The following AGAP2 variants were observed in gnomAD, a reference collection of about 807,000 sequenced individuals.
AGAP2 encodes the protein arf-GAP with GTPase, ANK repeat and PH domain-containing protein 2.
Under a neutral mutation model 110.9 loss-of-function variants are expected in AGAP2, and 32 were observed. That is an observed-to-expected ratio of 0.29 (90% CI 0.22 to 0.39). AGAP2 has a LOEUF of 0.39. Ranked by LOEUF, AGAP2 falls within the 10% of genes least tolerant of loss-of-function variation. AGAP2 has a pLI of 1.00. For missense variants in AGAP2, 1,285 were observed against 1,638.5 expected (o/e 0.78, Z 3.72); for synonymous variants, 702 against 713.0 (o/e 0.98, Z 0.25).
Position 57,725,900 on chromosome 12 carries a change from T to C in AGAP2, c.*652A>G, listed in dbSNP as rs1448253849. The C allele has an allele frequency of 2.0e-5, 3 of 151,836 alleles. No individual in the cohort carries two copies. The highest frequency in any genetic ancestry group is 1.5e-5 in the Non-Finnish European group (1 of 67,956). The allele number at this position is 151,836 out of a possible 1,614,324, so 9.4% of individuals were successfully genotyped here. A position where few individuals can be genotyped will look rare whatever the true frequency, so the allele number is the denominator to read the frequency against. ...GGCTCTTGGTTCCCCCCGGACTCTT[T>C]AGCTTCCACCCATGGGTAGGTGTAG... On this transcript the variant is annotated 3_prime_UTR_variant, in exon 19 of 19. Coordinates refer to ENST00000547588, the MANE Select transcript of AGAP2 (RefSeq NM_001122772.3).
chr12:57,732,786 A>G, intron 6 of AGAP2, 59 bp downstream of exon 6: 1 of 1,604,140 alleles, frequency 6.2e-7, no homozygotes, highest in Non-Finnish European at 8.5e-7. Context: ...CTGACCACTG[A>G]GAATATCCCA....
chr12:57,742,127 G>T, upstream of AGAP2: 3 of 1,578,182 alleles, frequency 1.9e-6, no homozygotes, highest in Non-Finnish European at 1.7e-6. Context: ...GAGGCCCATG[G>T]CCCTACAGCC....
chr12:57,739,049 A>G (rs181867087), upstream of AGAP2, among the ~76,000 whole-genome samples: 131 of 136,698 alleles, frequency 9.6e-4, 1 homozygote, highest in East Asian at 0.026. Flanking sequence ...AGGGCGGTGC[A>G]AAATCCAGGG....
At chr12:57,734,231 A>G (rs374434591) in intron 4 of AGAP2, 58 bp from the exon 5 acceptor site, 24 of 1,610,540 alleles carry the variant, frequency 1.5e-5, no homozygotes, top group African/African-American at 1.2e-4. Context: ...TCTGGACCCA[A>G]TCCAGATGAA....
intron 16 of AGAP2, 35 bp from the exon 17 acceptor site, chr12:57,727,617 G>C (rs373982664): frequency 6.3e-7 from 1 of 1,590,556 alleles, no homozygotes; most frequent in African/African-American, 1.3e-5. Context: ...CTCCCAGCCG[G>C]GCAGCACAGG....
Position 57,729,638 on chromosome 12 carries a change from C to T in AGAP2, c.2557+1G>A. ...AGTGGAAGTGCCTGCCAGAGCCTCA[C>T]CTTCAGCCTGCCCAGCCGAGCCTTC... On this transcript the variant is annotated splice_donor_variant, in intron 13 of 18. Coordinates refer to ENST00000547588, the MANE Select transcript of AGAP2 (RefSeq NM_001122772.3). LOFTEE classifies it high-confidence loss of function. 6.2e-7 allele frequency: 1 copy of T among 1,611,506 alleles called. No homozygotes were observed. Among genetic ancestry groups the T allele is most frequent in the Non-Finnish European group, 8.5e-7 (1 of 1,179,030 alleles).
In AGAP2 at chr12:57,729,757, T is replaced by A. The variant is rs1367248936; in HGVS notation, c.2439A>T (p.Pro813=). Residue 813 remains proline, a synonymous_variant, in exon 13 of 19, where the codon CCA becomes CCT. Coordinates refer to ENST00000547588, the MANE Select transcript of AGAP2 (RefSeq NM_001122772.3). The part of the protein sequence containing the change: ...LARALSTDCT[P]SGDLSPLSRE... ...GACTCAGGGGGCTCAGGTCTCCAGA[T>A]GGGGTACAGTCTTAGGGAGGAAGAC... is the stretch of plus-strand genomic sequence containing the variant. 3.1e-6 allele frequency: 5 copies of A among 1,612,756 alleles called. No individual in the cohort carries two copies. The East Asian group carries it at 1.1e-4, about 36-fold the overall frequency.
At chr12:57,730,709 T>C (rs921537409) in intron 11 of AGAP2, 82 bp downstream of exon 11, 20 of 1,608,244 alleles carry the variant, frequency 1.2e-5, no homozygotes, top group Non-Finnish European at 1.6e-5. Context: ...ACTCGCCCAG[T>C]GCCAGCCCCC....
In AGAP2 at chr12:57,726,493, C is replaced by T; in HGVS notation, c.*59G>A. 8.6e-7 allele frequency: 1 copy of T among 1,161,464 alleles called. No individual in the cohort carries two copies. Among genetic ancestry groups the T allele is most frequent in the Non-Finnish European group, 1.1e-6 (1 of 941,646 alleles). 71.9% of individuals were successfully genotyped at this position (1,161,464 alleles called of 1,614,324 possible). ...GAGTGGGTGCGTCTGTCCAGCGGTC[C>T]GCCCGGTGTGGTCGTGCCCGGCCCG... On this transcript the variant is annotated 3_prime_UTR_variant, in exon 19 of 19. Coordinates refer to ENST00000547588, the MANE Select transcript of AGAP2 (RefSeq NM_001122772.3). This position sits in a 1 kb window ranked among gnomAD's most constrained non-coding sequence, Gnocchi z 5.7.
At position 57,726,744 on chromosome 12, in the gene AGAP2, G is replaced by C; in HGVS notation, c.3387C>G (p.Phe1129Leu). The C allele has an allele frequency of 7.6e-7, 1 of 1,315,774 alleles. No homozygotes were observed. Among genetic ancestry groups the C allele is most frequent in the Non-Finnish European group, 9.7e-7 (1 of 1,035,342 alleles). The allele number at this position is 1,315,774 out of a possible 1,614,324, so 81.5% of individuals were successfully genotyped here. A position where few individuals can be genotyped will look rare whatever the true frequency, so the allele number is the denominator to read the frequency against. Residue 1129 changes from phenylalanine to leucine, a missense_variant, in exon 19 of 19, where the codon TTC (phenylalanine) becomes TTG (leucine). By Grantham distance (22) the Phe-to-Leu change is conservative (BLOSUM62 0). Coordinates refer to ENST00000547588, the MANE Select transcript of AGAP2 (RefSeq NM_001122772.3). This position sits in a 1 kb window ranked among gnomAD's most constrained non-coding sequence, Gnocchi z 5.7. Reference sequence around the variant, plus strand: ...GCTGGCTTCCAGCCTGGCGGGCGTAGAACAGCGCCGTGCGGCCCTGGGCGT... The same window carrying C: ...GCTGGCTTCCAGCCTGGCGGGCGTACAACAGCGCCGTGCGGCCCTGGGCGT... ...ARDAQGRTAL[F>L]YARQAGSQLC...
intron 13 of AGAP2, among the ~76,000 whole-genome samples, chr12:57,729,026 A>G (rs1213954808): frequency 3.9e-5 from 6 of 151,908 alleles, no homozygotes; most frequent in African/African-American, 1.5e-4. Flanking sequence ...AATACAAAAA[A>G]TTAGCCGGGC....
upstream of AGAP2, among the ~76,000 whole-genome samples, chr12:57,741,377 C>T (rs1362481867): frequency 1.3e-5 from 2 of 152,108 alleles, no homozygotes; most frequent in Non-Finnish European, 2.9e-5. Context: ...TTTGGCTCTG[C>T]AGAGCATAGT....
chr12:57,737,290 G>C lies in AGAP2; in HGVS notation c.957C>G (p.Ile319Met), dbSNP rs1474792550. ...GCCCCGGAGCTGGAGGCTCCAGAGT[G>C]ATTGGAGGTGCAGGCCCGGGGGGCT... Reference protein sequence around the residue: ...SAQPPGPAPPITLEPPAPGLK... With the variant: ...SAQPPGPAPPMTLEPPAPGLK... The change falls in exon 1 of 19, where the codon ATC becomes ATG. Residue 319 changes from isoleucine (I) to methionine (M), a missense_variant. Physicochemically the swap from Ile to Met is conservative, Grantham distance 10 (BLOSUM62 1). Transcript: ENST00000547588. The surrounding 1 kb of genome is among the most constrained non-coding windows in gnomAD (Gnocchi z 5.9). The C allele has an allele frequency of 6.2e-7, 1 of 1,613,528 alleles. No individual in the cohort carries two copies. Among genetic ancestry groups the C allele is most frequent in the Non-Finnish European group, 8.5e-7 (1 of 1,179,814 alleles).
chr12:57,738,196 G>A lies in AGAP2; in HGVS notation c.51C>T (p.Ile17=), dbSNP rs1372165128. 4.6e-6 allele frequency: 7 copies of A among 1,525,640 alleles called. No homozygotes were observed. The highest frequency in any genetic ancestry group is 5.3e-6 in the Non-Finnish European group (6 of 1,141,770). The allele number at this position is 1,525,640 out of a possible 1,614,324, so 94.5% of individuals were successfully genotyped here. A position where few individuals can be genotyped will look rare whatever the true frequency, so the allele number is the denominator to read the frequency against. Residue 17 remains isoleucine (I), a synonymous_variant, in exon 1 of 19, where the codon ATC becomes ATT. Transcript: ENST00000547588. This position sits in a 1 kb window ranked among gnomAD's most constrained non-coding sequence, Gnocchi z 6.7. ...ACTCGAGCTTAACCAGGGTCAGCGA[G>A]ATGAGGTAGGTCGTTGTCCGGCGCT... is the stretch of plus-strand genomic sequence containing the variant. ...ALQRRTTTYL[I]SLTLVKLESV...
chr12:57,725,711 C>T lies in AGAP2; in HGVS notation c.*841G>A, dbSNP rs1452683165. The T allele has an allele frequency of 6.7e-6, 1 of 148,508 alleles. No homozygotes were observed. The highest frequency in any genetic ancestry group is 1.5e-5 in the Non-Finnish European group (1 of 66,890). 9.2% of individuals were successfully genotyped at this position (148,508 alleles called of 1,614,324 possible). A position where few individuals can be genotyped will look rare whatever the true frequency, so the allele number is the denominator to read the frequency against. On this transcript the variant is annotated 3_prime_UTR_variant, in exon 19 of 19. Coordinates refer to ENST00000547588, the MANE Select transcript of AGAP2 (RefSeq NM_001122772.3). ...CACCCCCACCCCAACCCACCCCCTG[C>T]CCACCCTGGGCTTCCCCTACCCCAA...
Position 57,728,458 on chromosome 12 carries a change from G to A in AGAP2, c.2558-81C>T, listed in dbSNP as rs187796284. ...AGAGACCAAGAAAGAAGGAGAAAAA[G>A]ACAGGTAGATGGAGAGATGGAGAGA... On this transcript the variant is annotated intron_variant, in intron 13 of 18. Coordinates refer to ENST00000547588, the MANE Select transcript of AGAP2 (RefSeq NM_001122772.3). 42 of 1,446,588 alleles carry A rather than the reference G, an allele frequency of 2.9e-5. No homozygotes were observed. The East Asian group carries it at 9.5e-4, about 33-fold the overall frequency. The allele number at this position is 1,446,588 out of a possible 1,614,324, so 89.6% of individuals were successfully genotyped here. A position where few individuals can be genotyped will look rare whatever the true frequency, so the allele number is the denominator to read the frequency against.
chr12:57,729,175 C>CAA (rs766183934), intron 13 of AGAP2, among the ~76,000 whole-genome samples: 19 of 36,260 alleles, frequency 5.2e-4, no homozygotes, highest in African/African-American at 8.3e-4. Context: ...GACTCCATCT[C>CAA]AAAAAAAAAA....
intron 3 of AGAP2, 72 bp downstream of exon 3, chr12:57,734,520 T>C: frequency 1.9e-6 from 3 of 1,591,658 alleles, no homozygotes; most frequent in Non-Finnish European, 2.6e-6. Flanking sequence ...TCTCCACACC[T>C]GCCTAATCAT....
chr12:57,737,098 G>C lies in AGAP2; in HGVS notation c.1149C>G (p.Ala383=). The C allele has an allele frequency of 6.5e-7, 1 of 1,550,072 alleles. No homozygotes were observed. Among genetic ancestry groups the C allele is most frequent in the East Asian group, 2.4e-5 (1 of 42,318 alleles). Residue 383 remains alanine, a synonymous_variant, in exon 1 of 19, where the codon GCC becomes GCG. Transcript: ENST00000547588. The surrounding 1 kb of genome is among the most constrained non-coding windows in gnomAD (Gnocchi z 5.9). Reference sequence around the variant, plus strand: ...ACTCACTAGGGGAAGCGCGGAGCTCGGCGCCCAGCAGCTCCCTGGACCCGC... The same window carrying C: ...ACTCACTAGGGGAAGCGCGGAGCTCCGCGCCCAGCAGCTCCCTGGACCCGC... ...SGSGSRELLG[A]ELRASPKAVI...
Sources: gnomAD v4.1 joint callset for allele counts (sites outside exome capture counted in the v4.1 genomes callset) on GRCh38, gnomAD v4.1.1 for gene constraint, Gnocchi (gnomAD v3.1) non-coding constraint, MANE v1.5 for transcripts, NCBI Gene and HGNC (gene_info 2026-07-23, HGNC 2026-07-21) for gene names.